IGSF11: variants seen among roughly 807,000 people sequenced by gnomAD.
IGSF11 encodes immunoglobulin superfamily member 11.
A neutral mutation model predicts 41.0 loss-of-function variants in IGSF11; 22 were observed. The observed-to-expected ratio is 0.54, with a 90% confidence interval of 0.38 to 0.77. IGSF11 has a LOEUF of 0.77. Ranked by LOEUF, IGSF11 falls within the 30% of genes least tolerant of loss-of-function variation. The pLI, the probability that IGSF11 is intolerant of heterozygous loss-of-function variation, is 0.00. For synonymous variants in IGSF11, 219 were observed against 201.3 expected, an observed-to-expected ratio of 1.09 and a Z score of -0.74; for missense variants, 444 against 530.8, an observed-to-expected ratio of 0.84 and a Z score of 1.61.
At chr3:119,034,050 A>T (rs919667752) in intron 1 of IGSF11, among the ~76,000 whole-genome samples, 3 of 152,252 alleles carry the variant, frequency 2.0e-5, no homozygotes, top group African/African-American at 7.2e-5. Context: ...AATTAGTTTT[A>T]AAATAAAGAT....
chr3:118,918,384 TA>T (rs1553750388), intron 4 of IGSF11, among the ~76,000 whole-genome samples: 8 of 53,224 alleles, frequency 1.5e-4, no homozygotes. Flanking sequence ...AAAATCTCCT[TA>T]AGCTGATAAG....
intron 1 of IGSF11, among the ~76,000 whole-genome samples, chr3:119,053,155 AC>A (rs1941694157): frequency 6.6e-6 from 1 of 152,200 alleles, no homozygotes; most frequent in African/African-American, 2.4e-5. Flanking sequence ...GAGCAATCAA[AC>A]AAGAGAAAGA....
At chr3:119,062,415 C>T (rs1318374435) in intron 1 of IGSF11, among the ~76,000 whole-genome samples, 1 of 152,168 alleles carries the variant, frequency 6.6e-6, no homozygotes, top group African/African-American at 2.4e-5. Flanking sequence ...ACAACCAACC[C>T]CACTCTGTCC....
chr3:119,132,679 G>C (rs974468571), intron 1 of IGSF11, among the ~76,000 whole-genome samples: 1 of 151,480 alleles, frequency 6.6e-6, no homozygotes, highest in Non-Finnish European at 1.5e-5. Flanking sequence ...AGGTTAACAA[G>C]GATATCCAGG....
intron 1 of IGSF11, among the ~76,000 whole-genome samples, chr3:118,941,148 T>G (rs1225277324): frequency 6.6e-6 from 1 of 151,836 alleles, no homozygotes; most frequent in African/African-American, 2.4e-5. Flanking sequence ...AAAACAATAA[T>G]AAAACAAGGT....
intron 1 of IGSF11, among the ~76,000 whole-genome samples, chr3:119,119,281 A>G (rs1405933065): frequency 6.6e-6 from 1 of 152,208 alleles, no homozygotes; most frequent in Non-Finnish European, 1.5e-5. Flanking sequence ...ATGGCCAGGG[A>G]AGCCTCACAA....
chr3:119,034,517 C>A lies in IGSF11; in HGVS notation c.52+14G>T. The A allele has an allele frequency of 6.4e-7, 1 of 1,568,080 alleles. No homozygotes were observed. The highest frequency in any genetic ancestry group is 8.6e-7 in the Non-Finnish European group (1 of 1,157,150). On this transcript the variant is annotated intron_variant, in intron 1 of 6. Coordinates refer to ENST00000393775, the MANE Select transcript of IGSF11 (RefSeq NM_001015887.3). ...GCCTGGCCCCACCGGGAAGAAAGGG[C>A]TGGAGCTACTCACCGTGCAGAGAGA...
At chr3:118,970,083 G>A (rs546498799) in intron 1 of IGSF11, among the ~76,000 whole-genome samples, 47 of 152,268 alleles carry the variant, frequency 3.1e-4, no homozygotes, top group African/African-American at 9.4e-4. Flanking sequence ...CTATTCTCCA[G>A]CCACACTGGG....
At chr3:119,046,181 C>T (rs927405358) in intron 1 of IGSF11, among the ~76,000 whole-genome samples, 31 of 149,654 alleles carry the variant, frequency 2.1e-4, no homozygotes, top group East Asian at 1.8e-3. Context: ...AGGCTTCAGA[C>T]GATCAAATTA....
intron 1 of IGSF11, among the ~76,000 whole-genome samples, chr3:119,031,930 G>A (rs554364233): frequency 7.2e-4 from 110 of 152,154 alleles, no homozygotes; most frequent in African/African-American, 2.3e-3. Flanking sequence ...CTCAAATTCT[G>A]AAAAGTTATC....
chr3:119,078,646 A>C (rs531603349), intron 1 of IGSF11, among the ~76,000 whole-genome samples: 18 of 152,332 alleles, frequency 1.2e-4, no homozygotes, highest in African/African-American at 4.3e-4. Flanking sequence ...CATTCTGGAC[A>C]TAGGCCCTGG....
At chr3:118,926,998 C>T (rs1942378118) in intron 3 of IGSF11, among the ~76,000 whole-genome samples, 1 of 151,852 alleles carries the variant, frequency 6.6e-6, no homozygotes, top group Non-Finnish European at 1.5e-5. Flanking sequence ...ATTTGTAATG[C>T]TAATGACTTT....
chr3:119,008,325 A>G (rs904326930), intron 1 of IGSF11, among the ~76,000 whole-genome samples: 1 of 152,316 alleles, frequency 6.6e-6, no homozygotes, highest in East Asian at 1.9e-4. Context: ...CCTTCCTTGC[A>G]CTTTTTGAAT....
chr3:118,924,519 CTT>C (rs1410499186), intron 4 of IGSF11, among the ~76,000 whole-genome samples: 1 of 152,062 alleles, frequency 6.6e-6, no homozygotes, highest in East Asian at 1.9e-4. Flanking sequence ...TCCAAAGTAA[CTT>C]TGATAATCAA....
chr3:118,975,363 T>TAAAAAAAA (rs376307753), intron 1 of IGSF11, among the ~76,000 whole-genome samples: 1 of 140,700 alleles, frequency 7.1e-6, no homozygotes, highest in African/African-American at 2.6e-5. Flanking sequence ...CTGCTGGATT[T>TAAAAAAAA]AAAAAAAAAA....
intron 4 of IGSF11, among the ~76,000 whole-genome samples, chr3:118,906,344 C>G (rs971322644): frequency 2.0e-5 from 2 of 101,026 alleles, no homozygotes; most frequent in South Asian, 6.1e-4. Flanking sequence ...GTCAAGGGGA[C>G]AGGGAAGCAA....
intron 1 of IGSF11, among the ~76,000 whole-genome samples, chr3:119,072,168 T>C (rs1417579064): frequency 6.6e-6 from 1 of 152,246 alleles, no homozygotes; most frequent in Non-Finnish European, 1.5e-5. Context: ...AAGTTCACTA[T>C]ATTTAATTTA....
intron 1 of IGSF11, among the ~76,000 whole-genome samples, chr3:119,041,802 T>A (rs1941127804): frequency 6.6e-6 from 1 of 152,160 alleles, no homozygotes; most frequent in Non-Finnish European, 1.5e-5. Flanking sequence ...AGCAATAGTT[T>A]AAAATCCTTC....
At chr3:119,040,141 G>A (rs919796175) in intron 1 of IGSF11, among the ~76,000 whole-genome samples, 1 of 152,154 alleles carries the variant, frequency 6.6e-6, no homozygotes, top group Non-Finnish European at 1.5e-5. Flanking sequence ...CTGCTCCTAA[G>A]ATCAGTGCTT....
Sources: allele counts gnomAD v4.1 joint callset (sites outside exome capture counted in the v4.1 genomes callset), GRCh38; gene constraint gnomAD v4.1.1; transcripts MANE v1.5; gene names NCBI Gene and HGNC (gene_info 2026-07-23, HGNC 2026-07-21).